POU3F3: variants seen among roughly 807,000 people sequenced by gnomAD.
POU3F3 encodes the protein POU domain, class 3, transcription factor 3.
A neutral mutation model predicts 8.6 loss-of-function variants in POU3F3; 1 was observed. The ratio of observed to expected loss-of-function variants is 0.12; its 90% confidence interval spans 0.04 to 0.55. The LOEUF is 0.55. POU3F3 is among the 20% of genes least tolerant of loss of function. The pLI is 0.91. For missense variants in POU3F3, 577 were observed against 690.7 expected, an observed-to-expected ratio of 0.84 and a Z score of 1.84; for synonymous variants, 418 against 327.4, an observed-to-expected ratio of 1.28 and a Z score of -2.99.
At chr2:104,881,357 G>T in the POU3F3 span, among the ~76,000 whole-genome samples, 1 of 152,004 alleles carries the variant, frequency 6.6e-6, no homozygotes, top group Non-Finnish European at 1.5e-5. Context: ...TAGAGATGGG[G>T]GTATCACTGA....
chr2:104,913,685 T>A, the POU3F3 span, among the ~76,000 whole-genome samples: 1 of 152,192 alleles, frequency 6.6e-6, no homozygotes, highest in African/African-American at 2.4e-5. Flanking sequence ...ATCTTCAGCA[T>A]TGGCATTTTT....
chr2:104,927,318 C>G, the POU3F3 span, among the ~76,000 whole-genome samples: 1 of 151,524 alleles, frequency 6.6e-6, no homozygotes, highest in African/African-American at 2.4e-5. Flanking sequence ...GTCAGGAATG[C>G]TTCCTTTTGG....
the POU3F3 span, among the ~76,000 whole-genome samples, chr2:104,873,858 G>A: frequency 2.0e-5 from 3 of 152,242 alleles, no homozygotes; most frequent in Admixed American, 2.0e-4. Flanking sequence ...ACCCTCCCCT[G>A]AGCCCCAGCC....
the POU3F3 span, among the ~76,000 whole-genome samples, chr2:104,882,392 T>C: frequency 2.0e-5 from 3 of 151,888 alleles, no homozygotes; most frequent in African/African-American, 4.8e-5. Context: ...GCTGGGACTA[T>C]AGGCGCCTGC....
At chr2:104,878,036 G>A in the POU3F3 span, among the ~76,000 whole-genome samples, 1 of 152,182 alleles carries the variant, frequency 6.6e-6, no homozygotes, top group South Asian at 2.1e-4. Flanking sequence ...AGAAGGACAG[G>A]TTCCTTCACC....
chr2:104,924,684 C>A, the POU3F3 span, among the ~76,000 whole-genome samples: 1 of 152,204 alleles, frequency 6.6e-6, no homozygotes, highest in African/African-American at 2.4e-5. Flanking sequence ...TTCATAACCT[C>A]ATCTCTTCAT....
chr2:104,891,668 T>A, the POU3F3 span, among the ~76,000 whole-genome samples: 1 of 152,166 alleles, frequency 6.6e-6, no homozygotes, highest in African/African-American at 2.4e-5. Context: ...TTGGTTGGTG[T>A]GGGGGCAGAG....
chr2:104,866,668 A>G, the POU3F3 span: 1 of 152,282 alleles, frequency 6.6e-6, no homozygotes, highest in African/African-American at 2.4e-5. Context: ...GACTGTGTGC[A>G]GGCGGAAAGC....
chr2:104,886,334 A>C, the POU3F3 span, among the ~76,000 whole-genome samples: 1 of 152,204 alleles, frequency 6.6e-6, no homozygotes, highest in Non-Finnish European at 1.5e-5. Context: ...GGATATACGT[A>C]GGTAAACTCT....
the POU3F3 span, among the ~76,000 whole-genome samples, chr2:104,883,720 T>C: frequency 1.3e-5 from 2 of 152,304 alleles, no homozygotes; most frequent in Non-Finnish European, 2.9e-5. Flanking sequence ...AATCAGCATA[T>C]TGTGTTCTGA....
At chr2:104,884,790 G>A in the POU3F3 span, among the ~76,000 whole-genome samples, 2 of 152,156 alleles carry the variant, frequency 1.3e-5, no homozygotes, top group East Asian at 1.9e-4. Flanking sequence ...CAGGTTGGAC[G>A]TCTTAGTGAT....
In POU3F3 at chr2:104,855,678, C is replaced by A; in HGVS notation, c.168C>A (p.Ala56=). The change falls in exon 1 of 1, where the codon GCC becomes GCA. Residue 56 remains alanine, a synonymous_variant. Coordinates refer to ENST00000361360, the MANE Select transcript of POU3F3 (RefSeq NM_006236.3). ...GGGGGMQPGS[A]AVTSGAYRGD... is the part of the protein sequence containing the mutation. The stretch of plus-strand genomic sequence containing the variant: ...GCGGCGGCATGCAGCCGGGCAGCGC[C>A]GCCGTGACCTCGGGCGCCTACCGGG... 8.7e-7 allele frequency: 1 copy of A among 1,148,872 alleles called. No individual in the cohort carries two copies. The highest frequency in any genetic ancestry group is 2.0e-5 in the South Asian group (1 of 50,574). The allele number at this position is 1,148,872 out of a possible 1,614,324, so 71.2% of individuals were successfully genotyped here. A position where few individuals can be genotyped will look rare whatever the true frequency, so the allele number is the denominator to read the frequency against.
chr2:104,882,060 A>G, the POU3F3 span, among the ~76,000 whole-genome samples: 1 of 152,222 alleles, frequency 6.6e-6, no homozygotes, highest in African/African-American at 2.4e-5. Context: ...ACTCACTAAA[A>G]GATTATTACA....
chr2:104,866,791 C>T, the POU3F3 span: 1 of 152,328 alleles, frequency 6.6e-6, no homozygotes, highest in Middle Eastern at 3.4e-3. Flanking sequence ...AAAGTCATAC[C>T]TGCACCATCT....
At chr2:104,877,512 A>G in the POU3F3 span, among the ~76,000 whole-genome samples, 1 of 152,006 alleles carries the variant, frequency 6.6e-6, no homozygotes, top group African/African-American at 2.4e-5. Flanking sequence ...CCATATTTAC[A>G]CAGCTCCATT....
At chr2:104,859,526 C>T (rs969089457), downstream of POU3F3, among the ~76,000 whole-genome samples, 4 of 152,164 alleles carry the variant, frequency 2.6e-5, no homozygotes, top group Admixed American at 1.3e-4. Flanking sequence ...AGCTGTCACT[C>T]ACTTTTTTTC....
chr2:104,860,611 A>C (rs1186217877), downstream of POU3F3, among the ~76,000 whole-genome samples: 1 of 152,018 alleles, frequency 6.6e-6, no homozygotes, highest in Non-Finnish European at 1.5e-5. Flanking sequence ...AGCTAGGCCC[A>C]CTTACAGTTT....
At chr2:104,903,404 T>C in the POU3F3 span, among the ~76,000 whole-genome samples, 2 of 152,334 alleles carry the variant, frequency 1.3e-5, no homozygotes, top group East Asian at 3.9e-4. Flanking sequence ...GAATTATTTA[T>C]CTCTATTTAT....
At chr2:104,913,597 G>A in the POU3F3 span, among the ~76,000 whole-genome samples, 1 of 152,072 alleles carries the variant, frequency 6.6e-6, no homozygotes, top group African/African-American at 2.4e-5. Context: ...CTCTGCTGTG[G>A]GATTTAACAC....
Sources: allele counts gnomAD v4.1 joint callset (sites outside exome capture counted in the v4.1 genomes callset), GRCh38; gene constraint gnomAD v4.1.1; transcripts MANE v1.5; gene names NCBI Gene and HGNC (gene_info 2026-07-23, HGNC 2026-07-21).